The following PHF20 variants were observed in gnomAD, a reference collection of about 807,000 sequenced individuals.
The protein encoded by PHF20 is PHD finger protein 20.
A neutral mutation model predicts 113.5 loss-of-function variants in PHF20; 23 were observed. The observed-to-expected ratio is 0.20, with a 90% CI of 0.15 to 0.29. The LOEUF is 0.29. Ranked by LOEUF, PHF20 falls within the 10% of genes least tolerant of loss-of-function variation. The pLI is 1.00. For synonymous variants in PHF20, 434 were observed against 457.3 expected, an observed-to-expected ratio of 0.95 and a Z score of 0.65; for missense variants, 943 against 1,219.6, an observed-to-expected ratio of 0.77 and a Z score of 3.38.
chr20:35,783,084 C>T (rs111437570), intron 1 of PHF20, among the ~76,000 whole-genome samples: 433 of 152,166 alleles, frequency 2.8e-3, no homozygotes, highest in African/African-American at 9.3e-3. Flanking sequence ...CTTGTAGTCC[C>T]AGCTCCTTGG....
rs780275666 is a variant in PHF20, at chr20:35,822,846, T to TAAAA, written c.84-19703_84-19700dup. 8.6e-4 allele frequency among the ~76,000 whole-genome samples: 48 copies of TAAAA among 55,554 alleles called. 1 individual carries two copies. Among genetic ancestry groups the TAAAA allele is most frequent in the African/African-American group, 3.0e-3 (41 of 13,524 alleles). 36.4% of individuals were successfully genotyped at this position (55,554 alleles called of 152,430 possible). A position where few individuals can be genotyped will look rare whatever the true frequency, so the allele number is the denominator to read the frequency against. On this transcript the variant is annotated intron_variant, in intron 2 of 17. Coordinates refer to ENST00000374012, the MANE Select transcript of PHF20 (RefSeq NM_016436.5). Reference sequence around the variant, plus strand: ...GGGTCACAGAGCAAGACCCTGCTTCTAAAAAAAAAAAAAAAAAAAAAAAAA... The same window carrying TAAAA: ...GGGTCACAGAGCAAGACCCTGCTTCTAAAAAAAAAAAAAAAAAAAAAAAAAAAAA...
intron 10 of PHF20, among the ~76,000 whole-genome samples, chr20:35,906,494 T>C (rs2055203394): frequency 7.0e-6 from 1 of 142,388 alleles, no homozygotes; most frequent in South Asian, 2.1e-4. Context: ...TCCCCGTTTT[T>C]CCACCAGGAT....
At chr20:35,911,354 C>G (rs1326734097) in intron 10 of PHF20, among the ~76,000 whole-genome samples, 1 of 152,054 alleles carries the variant, frequency 6.6e-6, no homozygotes. Flanking sequence ...CTGTTCCTAC[C>G]TTTATTGCTG....
At chr20:35,830,530 T>C (rs747074880) in intron 2 of PHF20, among the ~76,000 whole-genome samples, 35 of 152,364 alleles carry the variant, frequency 2.3e-4, no homozygotes, top group Middle Eastern at 6.8e-3. Context: ...TTTTGACTAC[T>C]GGGTTGTCTT....
intron 9 of PHF20, among the ~76,000 whole-genome samples, chr20:35,880,748 G>A (rs892612676): frequency 8.6e-5 from 13 of 152,000 alleles, no homozygotes; most frequent in African/African-American, 3.1e-4. Flanking sequence ...ATCACTTGAG[G>A]TCAGGAGTTC....
At chr20:35,813,452 G>C (rs2146886663) in intron 2 of PHF20, among the ~76,000 whole-genome samples, 1 of 152,150 alleles carries the variant, frequency 6.6e-6, no homozygotes, top group African/African-American at 2.4e-5. Context: ...GCATTTTCTT[G>C]TTTTCTGGCA....
At chr20:35,931,567 C>A in intron 15 of PHF20, 123 bp downstream of exon 15, 4 of 621,966 alleles carry the variant, frequency 6.4e-6, no homozygotes, top group South Asian at 3.2e-5. Context: ...GAGACCTTTA[C>A]TAAAAATTAT....
intron 4 of PHF20, chr20:35,855,227 A>G (rs2042804728): frequency 7.6e-7 from 1 of 1,317,528 alleles, no homozygotes; most frequent in Non-Finnish European, 1.0e-6. Context: ...TGTTTATCAT[A>G]ACTGCTTTGC....
At chr20:35,914,001 T>C (rs2055355095) in intron 11 of PHF20, 32 bp from the exon 12 acceptor site, 2 of 1,608,250 alleles carry the variant, frequency 1.2e-6, no homozygotes, top group African/African-American at 2.7e-5. Flanking sequence ...TTAACTAGGG[T>C]TATTCATTCC....
intron 2 of PHF20, among the ~76,000 whole-genome samples, chr20:35,817,585 C>T (rs2042098751): frequency 6.6e-6 from 1 of 151,988 alleles, no homozygotes; most frequent in African/African-American, 2.4e-5. Flanking sequence ...GCTTTGAGCT[C>T]AGGAGTTCAA....
At position 35,941,035 on chromosome 20, in the gene PHF20, A is replaced by G; in HGVS notation, c.2884A>G (p.Lys962Glu). The G allele has an allele frequency of 1.2e-6, 2 of 1,613,370 alleles. No homozygotes were observed. The highest frequency in any genetic ancestry group is 1.7e-6 in the Non-Finnish European group (2 of 1,179,586). ...EVTHRMDSIE[K>E]ELDVLESWLD... ...TACGCACAGGATGGACTCCATTGAG[A>G]AGGAGTTGGATGGTAGGGCTCCTTC... Residue 962 changes from lysine (K) to glutamate (E), a missense_variant, in exon 17 of 18, where the codon AAG becomes GAG. Lys to Glu is a moderately conservative substitution (Grantham distance 56). Around this residue, in one of 3 missense-constraint regions of PHF20, gnomAD observed 349 missense variants for 412.3 expected, o/e 0.85. Transcript: ENST00000374012.
intron 10 of PHF20, among the ~76,000 whole-genome samples, chr20:35,911,960 C>T (rs376434192): frequency 6.1e-5 from 9 of 147,138 alleles, no homozygotes; most frequent in African/African-American, 1.8e-4. Context: ...TGCCCGGCTA[C>T]GACTGAATTT....
intron 15 of PHF20, among the ~76,000 whole-genome samples, chr20:35,936,365 G>T (rs1010123513): frequency 1.3e-5 from 2 of 152,154 alleles, no homozygotes; most frequent in Non-Finnish European, 2.9e-5. Context: ...GCTGGAGTGG[G>T]AGAGCTGAGA....
intron 13 of PHF20, among the ~76,000 whole-genome samples, chr20:35,920,799 T>A (rs931929231): frequency 6.6e-6 from 1 of 152,318 alleles, no homozygotes; most frequent in East Asian, 1.9e-4. Context: ...TTGAATAGCC[T>A]TCATAGTAAC....
intron 12 of PHF20, 63 bp from the exon 13 acceptor site, chr20:35,917,421 C>G (rs1186681416): frequency 7.3e-7 from 1 of 1,374,018 alleles, no homozygotes; most frequent in East Asian, 2.4e-5. Flanking sequence ...TCATTCTTGA[C>G]AATCAAAGGT....
chr20:35,818,320 G>A (rs2042111980), intron 2 of PHF20, among the ~76,000 whole-genome samples: 1 of 152,066 alleles, frequency 6.6e-6, no homozygotes, highest in Non-Finnish European at 1.5e-5. Context: ...AGCTGAGGTG[G>A]AAGGATTGCT....
chr20:35,907,470 A>G (rs1278268897), intron 10 of PHF20, among the ~76,000 whole-genome samples: 1 of 152,210 alleles, frequency 6.6e-6, no homozygotes, highest in Non-Finnish European at 1.5e-5. Context: ...GTCATGGAAC[A>G]ATTGGTAAAG....
chr20:35,887,232 T>A (rs1195795098), intron 9 of PHF20, among the ~76,000 whole-genome samples: 1 of 152,186 alleles, frequency 6.6e-6, no homozygotes, highest in Non-Finnish European at 1.5e-5. Context: ...GGGCTGCTGA[T>A]CCCCCTCTAT....
At chr20:35,928,484 A>G (rs1783662541) in intron 14 of PHF20, 1 of 153,268 alleles carries the variant, frequency 6.5e-6, no homozygotes, top group Non-Finnish European at 1.4e-5. Context: ...TACCCTCAAC[A>G]ATACAGTATT....
Sources: allele counts gnomAD v4.1 joint callset (sites outside exome capture counted in the v4.1 genomes callset), GRCh38; gene constraint gnomAD v4.1.1; regional missense constraint gnomAD v4.1.1; transcripts MANE v1.5; gene names NCBI Gene and HGNC (gene_info 2026-07-23, HGNC 2026-07-21).